Variants in PRRT1B observed in about 807,000 individuals in gnomAD.
PRRT1B encodes the protein dispanin subfamily D member 2.
rs188962334 is a variant in PRRT1B at position 131,551,232 on chromosome 9, G to C, written c.26-3325G>C. 5.5e-4 allele frequency among the ~76,000 whole-genome samples: 84 copies of C among 152,004 alleles called. No individual in the cohort carries two copies. In the East Asian group the frequency reaches 0.014, roughly 25 times the overall value. ...GCTGGGATTACGGGTGTGAGCCACC[G>C]CGCCCGACCTGCGTTTAGTTTTTCA... On this transcript the variant is annotated intron_variant, in intron 1 of 3. Coordinates refer to ENST00000636672, the Ensembl canonical transcript of PRRT1B. The surrounding 1 kb of genome is among the most constrained non-coding windows in gnomAD (Gnocchi z 4.4).
intron 1 of PRRT1B, among the ~76,000 whole-genome samples, chr9:131,549,796 T>C (rs1400816654): frequency 7.2e-5 from 11 of 152,236 alleles, no homozygotes; most frequent in Admixed American, 7.2e-4. Flanking sequence ...CATTCTTTTA[T>C]GCACTCTTTT....
chr9:131,546,411 CG>C (rs1459923711), intron 1 of PRRT1B, among the ~76,000 whole-genome samples: 1 of 152,014 alleles, frequency 6.6e-6, no homozygotes, highest in Non-Finnish European at 1.5e-5. Flanking sequence ...CTGGAAGGGG[CG>C]GGGGGCAAGG....
At chr9:131,558,523 C>T in exon 4 of PRRT1B, 1 of 234,950 alleles carries the variant, frequency 4.3e-6, no homozygotes. Flanking sequence ...CTTCCTGGGA[C>T]TCCTCTTGCC....
exon 2 of PRRT1B, chr9:131,554,731 G>A (rs1951035901): frequency 3.0e-6 from 1 of 334,816 alleles, no homozygotes. Context: ...GGGGCCGCGG[G>A]GGGCAGCGAG....
At chr9:131,547,532 G>A (rs376604995) in intron 1 of PRRT1B, among the ~76,000 whole-genome samples, 6 of 151,952 alleles carry the variant, frequency 3.9e-5, no homozygotes, top group African/African-American at 9.7e-5. Flanking sequence ...GACTCTTTTC[G>A]GACTCAGCCT....
chr9:131,548,447 G>A (rs545174541), intron 1 of PRRT1B, among the ~76,000 whole-genome samples: 5 of 152,106 alleles, frequency 3.3e-5, no homozygotes, highest in East Asian at 1.9e-4. Flanking sequence ...ATACAAACTC[G>A]ACAGTGGTTC....
Position 131,551,911 on chromosome 9 carries a change from T to C in PRRT1B, c.26-2646T>C, listed in dbSNP as rs950119661. Among the ~76,000 whole-genome samples, 24 of 152,290 alleles carry C rather than the reference T, an allele frequency of 1.6e-4. No homozygotes were observed. The highest frequency in any genetic ancestry group is 2.5e-4 in the Non-Finnish European group (17 of 68,032). ...TATTGCTCACACAAAGCCTGTTTGG[T>C]GGTCTCTTCACACGGACACGAGTGA... On this transcript the variant is annotated intron_variant, in intron 1 of 3. Coordinates refer to ENST00000636672, the Ensembl canonical transcript of PRRT1B. The surrounding 1 kb of genome is among the most constrained non-coding windows in gnomAD (Gnocchi z 4.4).
At chr9:131,559,666 C>T (rs74310993), downstream of PRRT1B, among the ~76,000 whole-genome samples, 5 of 152,298 alleles carry the variant, frequency 3.3e-5, no homozygotes, top group African/African-American at 1.2e-4. Context: ...AGCCTGGAGA[C>T]TCTGTGGATT....
chr9:131,558,233 C>T (rs561703090), exon 4 of PRRT1B: 118 of 400,922 alleles, frequency 2.9e-4, no homozygotes, highest in African/African-American at 1.8e-3. Context: ...TGCCGGATGC[C>T]GGAATGTCCA....
chr9:131,558,242 C>T (rs1486181624), exon 4 of PRRT1B: 4 of 400,822 alleles, frequency 1.0e-5, no homozygotes, highest in South Asian at 1.3e-4. Context: ...CCGGAATGTC[C>T]ACGGAAAACT....
At chr9:131,547,025 G>A (rs1950980361) in intron 1 of PRRT1B, among the ~76,000 whole-genome samples, 1 of 149,580 alleles carries the variant, frequency 6.7e-6, no homozygotes, top group Admixed American at 6.6e-5. Context: ...CGCGGGTTAC[G>A]AAGCAAAAGC....
intron 3 of PRRT1B, among the ~76,000 whole-genome samples, chr9:131,557,276 C>G (rs1316204681): frequency 6.6e-6 from 1 of 152,190 alleles, no homozygotes; most frequent in Non-Finnish European, 1.5e-5. Context: ...TGGTGGCTCA[C>G]AAATGTAACC....
chr9:131,556,312 G>A, intron 3 of PRRT1B, 99 bp downstream of exon 3: 1 of 398,600 alleles, frequency 2.5e-6, no homozygotes, highest in Admixed American at 4.4e-5. Context: ...CACGGTCTCT[G>A]GTGTCTCTCC....
intron 1 of PRRT1B, among the ~76,000 whole-genome samples, chr9:131,549,571 G>T (rs931917277): frequency 6.6e-6 from 1 of 152,146 alleles, no homozygotes; most frequent in East Asian, 1.9e-4. Flanking sequence ...CACGCTGCCC[G>T]ATCGCCTCAG....
exon 2 of PRRT1B, chr9:131,554,743 CCGCCCCGGAGGA>C (rs1951036082): frequency 3.1e-6 from 1 of 326,436 alleles, no homozygotes; most frequent in South Asian, 1.4e-4. Context: ...GGCAGCGAGC[CCGCCCCGGAGGA>C]CGCCCCGGCC....
chr9:131,547,065 CTTTTTTTTTTTT>C (rs549825970), intron 1 of PRRT1B, among the ~76,000 whole-genome samples: 16 of 100,768 alleles, frequency 1.6e-4, no homozygotes, highest in African/African-American at 7.3e-4. Flanking sequence ...CTCCTGTTCG[CTTTTTTTTTTTT>C]TTTTTTTTTT....
intron 1 of PRRT1B, among the ~76,000 whole-genome samples, chr9:131,553,159 C>G (rs71503105): frequency 0.11 from 16,964 of 152,160 alleles, 1,091 homozygotes; most frequent in Middle Eastern, 0.24. Flanking sequence ...CCACTTGAAC[C>G]ACTTCTAAGT....
chr9:131,554,443 CTA>C, intron 1 of PRRT1B, 112 bp from the exon 2 acceptor site: 1 of 364,842 alleles, frequency 2.7e-6, no homozygotes. Flanking sequence ...CGTCACGATC[CTA>C]TGAGGCCCAG....
At chr9:131,557,561 G>A (rs1311772487) in intron 3 of PRRT1B, among the ~76,000 whole-genome samples, 2 of 152,088 alleles carry the variant, frequency 1.3e-5, no homozygotes, top group Non-Finnish European at 2.9e-5. Context: ...ACAAAAGCAG[G>A]CAAGGCTCTG....
Sources: allele counts gnomAD v4.1 joint callset (sites outside exome capture counted in the v4.1 genomes callset), GRCh38; gene constraint gnomAD v4.1.1; non-coding constraint Gnocchi (gnomAD v3.1); transcripts MANE v1.5; gene names NCBI Gene and HGNC (gene_info 2026-07-23, HGNC 2026-07-21).